Variants in PDE4D observed in about 807,000 individuals in gnomAD.
The protein encoded by PDE4D is phosphodiesterase 4D.
In PDE4D, 24 loss-of-function variants were observed where a neutral mutation model predicts 87.4. That is an observed-to-expected ratio of 0.27 (90% confidence interval 0.20 to 0.39). PDE4D has a LOEUF of 0.39. PDE4D is among the 10% of genes least tolerant of loss of function. PDE4D has a pLI of 1.00. For synonymous variants in PDE4D, 384 were observed against 383.2 expected (o/e 1.00, Z -0.02); for missense variants, 714 against 1,041.0 (o/e 0.69, Z 4.32).
At chr5:59,903,680 A>T (rs1216893491) in intron 3 of PDE4D, among the ~76,000 whole-genome samples, 1 of 152,162 alleles carries the variant, frequency 6.6e-6, no homozygotes, top group Non-Finnish European at 1.5e-5. Context: ...CCGATTGTAC[A>T]GATAAAGAAA....
rs549684697 is a variant in PDE4D, at chr5:59,284,821, A to T, written c.456-68853T>A. Among the ~76,000 whole-genome samples, 6 of 54,570 alleles carry T rather than the reference A, an allele frequency of 1.1e-4. No individual in the cohort carries two copies. The South Asian group carries it at 3.4e-3, about 31-fold the overall frequency. 35.8% of individuals were successfully genotyped at this position (54,570 alleles called of 152,430 possible). On this transcript the variant is annotated intron_variant, in intron 1 of 14. Transcript: ENST00000340635. ...AGACTTGGAACCAACCCAAATGTCC[A>T]ACAATGATAGACTGGATTAAGAAAA...
chr5:60,423,751 T>C (rs1247727574), intron 1 of PDE4D, among the ~76,000 whole-genome samples: 2 of 151,954 alleles, frequency 1.3e-5, no homozygotes, highest in African/African-American at 4.8e-5. Flanking sequence ...AATCAATGAA[T>C]CCAGAAGTTG....
chr5:59,343,327 T>C (rs1326639107), intron 1 of PDE4D, among the ~76,000 whole-genome samples: 1 of 152,178 alleles, frequency 6.6e-6, no homozygotes, highest in Admixed American at 6.5e-5. Flanking sequence ...CAATCCCTCC[T>C]GTTCCCATCA....
intron 1 of PDE4D, among the ~76,000 whole-genome samples, chr5:60,347,186 G>C (rs762203668): frequency 6.6e-6 from 1 of 152,048 alleles, no homozygotes; most frequent in South Asian, 2.1e-4. Flanking sequence ...ACTGAATGAT[G>C]CATAAGAGCC....
chr5:59,690,047 A>T (rs1750639644), intron 1 of PDE4D, among the ~76,000 whole-genome samples: 1 of 152,164 alleles, frequency 6.6e-6, no homozygotes, highest in Non-Finnish European at 1.5e-5. Flanking sequence ...ATTACAAACC[A>T]CTGCTCAATG....
At chr5:60,062,548 A>G (rs1396887062) in intron 2 of PDE4D, among the ~76,000 whole-genome samples, 1 of 152,194 alleles carries the variant, frequency 6.6e-6, no homozygotes, top group Non-Finnish European at 1.5e-5. Context: ...CATTTGACCC[A>G]GCAATCCCAT....
chr5:59,156,331 A>ATATATATATATATATATGTG (rs1384479557), intron 5 of PDE4D, among the ~76,000 whole-genome samples: 13 of 122,752 alleles, frequency 1.1e-4, no homozygotes, highest in African/African-American at 2.4e-4. Flanking sequence ...ATATATATAT[A>ATATATATATATATATATGTG]TGTGTGTGTG....
At chr5:59,861,754 G>A (rs1247985978) in intron 1 of PDE4D, among the ~76,000 whole-genome samples, 2 of 152,142 alleles carry the variant, frequency 1.3e-5, no homozygotes, top group Non-Finnish European at 2.9e-5. Flanking sequence ...TCCTTGGGGA[G>A]GATCATTGTT....
chr5:59,273,144 G>A (rs1382063696), intron 1 of PDE4D, among the ~76,000 whole-genome samples: 1 of 152,128 alleles, frequency 6.6e-6, no homozygotes, highest in African/African-American at 2.4e-5. Context: ...AAATGGCAAA[G>A]TTTTAGGTCT....
chr5:59,243,497 T>C (rs1439506727), intron 1 of PDE4D, among the ~76,000 whole-genome samples: 1 of 146,406 alleles, frequency 6.8e-6, no homozygotes, highest in Non-Finnish European at 1.5e-5. Context: ...TTCTCTCTTG[T>C]TGCCCAGGCT....
In PDE4D at chr5:59,039,300, C is replaced by T. The variant is rs965446013; in HGVS notation, c.809-329G>A. The T allele has an allele frequency of 2.8e-6, 3 of 1,062,286 alleles. No homozygotes were observed. The East Asian group carries it at 2.6e-4, about 92-fold the overall frequency. The allele number at this position is 1,062,286 out of a possible 1,614,324, so 65.8% of individuals were successfully genotyped here. ...TGCGACTTTTCAACTGTGCGGCGGG[C>T]CCGAGTCCCAGTCCAGGAGCCCGGC... On this transcript the variant is annotated intron_variant, in intron 5 of 14. Transcript: ENST00000340635.
At chr5:59,890,090 A>G (rs1269290980) in intron 1 of PDE4D, among the ~76,000 whole-genome samples, 1 of 152,204 alleles carries the variant, frequency 6.6e-6, no homozygotes, top group Non-Finnish European at 1.5e-5. Flanking sequence ...AATATCTGGA[A>G]ATGCTACAGT....
At chr5:60,084,389 C>CGTGT (rs5868220) in intron 2 of PDE4D, among the ~76,000 whole-genome samples, 156 of 151,438 alleles carry the variant, frequency 1.0e-3, no homozygotes, top group African/African-American at 3.6e-3. Context: ...CGCATCTTAA[C>CGTGT]GTGTGTGTGT....
At chr5:60,337,693 T>A (rs1005036872) in intron 1 of PDE4D, among the ~76,000 whole-genome samples, 4 of 152,020 alleles carry the variant, frequency 2.6e-5, no homozygotes, top group Admixed American at 1.3e-4. Flanking sequence ...TCAGACACCA[T>A]TTTATTCCTC....
chr5:60,227,860 A>G (rs1444764482), intron 1 of PDE4D, among the ~76,000 whole-genome samples: 1 of 152,100 alleles, frequency 6.6e-6, no homozygotes, highest in Non-Finnish European at 1.5e-5. Flanking sequence ...TATCATAGCC[A>G]GTAAGTCCCT....
intron 5 of PDE4D, among the ~76,000 whole-genome samples, chr5:59,156,895 C>T (rs1780317506): frequency 6.6e-6 from 1 of 151,900 alleles, no homozygotes; most frequent in African/African-American, 2.4e-5. Context: ...CATGTAATGC[C>T]TAAGCAGGGC....
chr5:59,384,383 C>G (rs1362460893), intron 1 of PDE4D, among the ~76,000 whole-genome samples: 1 of 152,098 alleles, frequency 6.6e-6, no homozygotes, highest in South Asian at 2.1e-4. Flanking sequence ...AGCGTTGATT[C>G]GCTGGTGTGA....
At chr5:60,433,841 T>C (rs1288419310) in intron 1 of PDE4D, among the ~76,000 whole-genome samples, 1 of 152,218 alleles carries the variant, frequency 6.6e-6, no homozygotes, top group African/African-American at 2.4e-5. Flanking sequence ...AAATACTGCA[T>C]GTTCTCATTT....
chr5:59,406,222 G>A (rs187318727), intron 1 of PDE4D, among the ~76,000 whole-genome samples: 3 of 152,216 alleles, frequency 2.0e-5, no homozygotes, highest in African/African-American at 7.2e-5. Flanking sequence ...GTCTGTTCAG[G>A]TTTTGGATTT....
Sources: gnomAD v4.1 joint callset for allele counts (sites outside exome capture counted in the v4.1 genomes callset) on GRCh38, gnomAD v4.1.1 for gene constraint, MANE v1.5 for transcripts, NCBI Gene and HGNC (gene_info 2026-07-23, HGNC 2026-07-21) for gene names.